The following ANK3 variants were observed in gnomAD, a reference collection of about 807,000 sequenced individuals.
ANK3 encodes the protein ankyrin-3.
Under a neutral mutation model 370.9 loss-of-function variants are expected in ANK3, and 57 were observed. The ratio of observed to expected loss-of-function variants is 0.15; its 90% CI spans 0.12 to 0.19. The LOEUF (loss-of-function observed/expected upper bound fraction) is 0.19, where lower values mean the gene tolerates loss of function less well. Ranked by LOEUF, ANK3 falls within the 10% of genes least tolerant of loss-of-function variation. ANK3 has a pLI of 1.00. For synonymous variants in ANK3, 1,929 were observed against 1,946.3 expected (o/e 0.99, Z 0.23); for missense variants, 4,439 against 5,302.1 (o/e 0.84, Z 5.06).
At chr10:60,213,792 T>C (rs1444553611) in intron 8 of ANK3, among the ~76,000 whole-genome samples, 2 of 152,132 alleles carry the variant, frequency 1.3e-5, no homozygotes, top group Admixed American at 6.6e-5. Context: ...AAAATCTAAG[T>C]ACTACAAGTA....
chr10:60,278,771 T>C lies in ANK3; in HGVS notation c.414+3A>G. 1.2e-6 allele frequency: 2 copies of C among 1,611,862 alleles called. No individual in the cohort carries two copies. The highest frequency in any genetic ancestry group is 2.2e-5 in the East Asian group (1 of 44,866). ...TGTCTGTGGCATGGAGTTGTAGGCT[T>C]ACCTGAGATTGTGCATTGACATTGG... is the stretch of plus-strand genomic sequence containing the variant. On this transcript the variant is annotated splice_donor_region_variant and intron_variant, in intron 4 of 43. Transcript: ENST00000280772.
At chr10:60,430,021 T>C (rs995266120) in intron 2 of ANK3, among the ~76,000 whole-genome samples, 19 of 152,246 alleles carry the variant, frequency 1.2e-4, no homozygotes, top group African/African-American at 4.6e-4. Context: ...CAGATATGCT[T>C]ATATACAAGT....
chr10:60,473,243 T>C (rs968452926), intron 2 of ANK3, among the ~76,000 whole-genome samples: 1 of 152,196 alleles, frequency 6.6e-6, no homozygotes, highest in Non-Finnish European at 1.5e-5. Context: ...CCTAAAAATA[T>C]GTTAATAGTG....
chr10:60,556,404 T>A (rs2077208107), intron 2 of ANK3, among the ~76,000 whole-genome samples: 1 of 152,184 alleles, frequency 6.6e-6, no homozygotes. Context: ...CTTCTCAGTT[T>A]TGCCACTGTT....
At chr10:60,719,933 TA>T (rs2079840621) in intron 1 of ANK3, among the ~76,000 whole-genome samples, 1 of 152,180 alleles carries the variant, frequency 6.6e-6, no homozygotes, top group Non-Finnish European at 1.5e-5. Context: ...CTATCTATCA[TA>T]AGCAAATAGA....
intron 2 of ANK3, among the ~76,000 whole-genome samples, chr10:60,601,516 T>C (rs931845849): frequency 3.3e-5 from 5 of 151,846 alleles, no homozygotes; most frequent in Non-Finnish European, 7.4e-5. Context: ...AACCTCAAAT[T>C]GAGGGGTATT....
In ANK3 at chr10:60,134,372, G is replaced by T; in HGVS notation, c.2740C>A (p.Leu914Ile). 1 of 1,612,164 alleles carries T rather than the reference G, an allele frequency of 6.2e-7. No homozygotes were observed. Among genetic ancestry groups the T allele is most frequent in the Non-Finnish European group, 8.5e-7 (1 of 1,179,142 alleles). ...GFSLGARSASLRSFSSDRSYT... is the reference protein window; with the variant it reads ...GFSLGARSASIRSFSSDRSYT... ...GACCTATCCGAACTGAAGGAGCGGA[G>T]GCTGTTGTATTTACAGTTAACCATT... The change falls in exon 25 of 44, where the codon CTC becomes ATC. Residue 914 changes from leucine (L) to isoleucine (I), a missense_variant and splice_region_variant. Physicochemically the swap from Leu to Ile is conservative, Grantham distance 5 (BLOSUM62 2). Coordinates refer to ENST00000280772, the MANE Select transcript of ANK3 (RefSeq NM_020987.5).
rs538034717 is a variant in ANK3, at chr10:60,312,598, T to C, written c.115-32959A>G. On this transcript the variant is annotated intron_variant, in intron 1 of 43. Transcript: ENST00000280772. ...GGCCTAGATGGGACCTCATAGTCAGTGGGACCCAATTTTCCTGATAATGAA... is the reference window on the plus strand; with the variant it reads ...GGCCTAGATGGGACCTCATAGTCAGCGGGACCCAATTTTCCTGATAATGAA... Among the ~76,000 whole-genome samples the C allele has an allele frequency of 2.6e-5, 4 of 152,304 alleles. No homozygotes were observed. In the South Asian group the frequency reaches 8.3e-4, roughly 32 times the overall value.
chr10:60,322,190 A>G (rs1474301856), intron 1 of ANK3, among the ~76,000 whole-genome samples: 1 of 152,194 alleles, frequency 6.6e-6, no homozygotes, highest in Non-Finnish European at 1.5e-5. Flanking sequence ...AAGCTATTTT[A>G]ATAAAATGGC....
At chr10:60,539,675 C>CA (rs2076802920) in intron 2 of ANK3, among the ~76,000 whole-genome samples, 3 of 151,792 alleles carry the variant, frequency 2.0e-5, no homozygotes. Context: ...ACATATAGGA[C>CA]AAAACAGCTC....
At chr10:60,608,323 A>G (rs2078155765) in intron 2 of ANK3, among the ~76,000 whole-genome samples, 1 of 152,190 alleles carries the variant, frequency 6.6e-6, no homozygotes, top group Non-Finnish European at 1.5e-5. Flanking sequence ...AATCAGCTAC[A>G]TCAGGAAGTC....
chr10:60,102,047 T>C (rs940059226), intron 28 of ANK3, among the ~76,000 whole-genome samples: 2 of 151,562 alleles, frequency 1.3e-5, no homozygotes, highest in Non-Finnish European at 2.9e-5. Flanking sequence ...GTGGTGGCGA[T>C]GTTGAGTGTG....
chr10:60,374,935 A>C (rs1367493444), intron 1 of ANK3, among the ~76,000 whole-genome samples: 1 of 152,174 alleles, frequency 6.6e-6, no homozygotes, highest in Non-Finnish European at 1.5e-5. Flanking sequence ...ATGAGGTTAC[A>C]AAAAAGGAGG....
At position 60,298,597 on chromosome 10, in the gene ANK3, A is replaced by G. The variant is rs139908186; in HGVS notation, c.115-18958T>C. Among the ~76,000 whole-genome samples, 258 of 152,304 alleles carry G rather than the reference A, an allele frequency of 1.7e-3. 3 individuals are homozygous for G. The highest frequency in any genetic ancestry group is 0.013 in the Admixed American group (193 of 15,296). ...CTTACGGCATGATAATTTCAAATTC[A>G]GTCTGTCATTTTATTACACGTTTTT... On this transcript the variant is annotated intron_variant, in intron 1 of 43. Coordinates refer to ENST00000280772, the MANE Select transcript of ANK3 (RefSeq NM_020987.5).
chr10:60,253,936 C>G (rs1234122131), intron 7 of ANK3, among the ~76,000 whole-genome samples: 3 of 152,118 alleles, frequency 2.0e-5, no homozygotes, highest in Non-Finnish European at 4.4e-5. Context: ...TTTATTTTCT[C>G]ACTTGTGATT....
chr10:60,311,346 T>C (rs1448363220), intron 1 of ANK3, among the ~76,000 whole-genome samples: 1 of 152,150 alleles, frequency 6.6e-6, no homozygotes, highest in Non-Finnish European at 1.5e-5. Context: ...CCAAACCTTC[T>C]GAATATTCCC....
At chr10:60,437,550 A>C (rs904258360) in intron 2 of ANK3, among the ~76,000 whole-genome samples, 1 of 152,214 alleles carries the variant, frequency 6.6e-6, no homozygotes, top group African/African-American at 2.4e-5. Flanking sequence ...GAGGGACTTA[A>C]TAACTATTGC....
chr10:60,482,799 C>T (rs1443999842), intron 2 of ANK3, among the ~76,000 whole-genome samples: 1 of 152,076 alleles, frequency 6.6e-6, no homozygotes, highest in Non-Finnish European at 1.5e-5. Flanking sequence ...CTACCAACAT[C>T]TTAAGAAGAC....
rs866890185 is a variant in ANK3, at chr10:60,112,046, C to T, written c.2948+2179G>A. Among the ~76,000 whole-genome samples the T allele has an allele frequency of 8.5e-5, 13 of 152,286 alleles. 1 individual carries two copies. The Middle Eastern group carries it at 0.014, about 159-fold the overall frequency. ...TGCTGCCATTACTTTTGCTTTCCTG[C>T]ACATGTCTATTGTCTCTCTTGTCTT... On this transcript the variant is annotated intron_variant, in intron 26 of 43. Coordinates refer to ENST00000280772, the MANE Select transcript of ANK3 (RefSeq NM_020987.5).
Sources: gnomAD v4.1 joint callset for allele counts (sites outside exome capture counted in the v4.1 genomes callset) on GRCh38, gnomAD v4.1.1 for gene constraint, MANE v1.5 for transcripts, NCBI Gene and HGNC (gene_info 2026-07-23, HGNC 2026-07-21) for gene names.